Variants in PHACTR4 observed in about 807,000 individuals in gnomAD.
PHACTR4 encodes phosphatase and actin regulator 4.
In PHACTR4, 51 loss-of-function variants were observed where a neutral mutation model predicts 72.7. That is an observed-to-expected ratio of 0.70 (90% CI 0.56 to 0.89). The LOEUF is 0.89. Ranked by LOEUF, PHACTR4 falls within the 40% of genes least tolerant of loss-of-function variation. The pLI is 0.00. For missense variants in PHACTR4, 731 were observed against 861.8 expected (o/e 0.85, Z 1.90); for synonymous variants, 255 against 302.5 (o/e 0.84, Z 1.63).
intron 6 of PHACTR4, among the ~76,000 whole-genome samples, chr1:28,468,510 T>G (rs1659361505): frequency 6.6e-6 from 1 of 152,124 alleles, no homozygotes; most frequent in Non-Finnish European, 1.5e-5. Context: ...GAGAATTGCT[T>G]GCACGTGGGA....
intron 2 of PHACTR4, among the ~76,000 whole-genome samples, chr1:28,412,097 C>T (rs1272320800): frequency 1.3e-5 from 2 of 151,926 alleles, no homozygotes; most frequent in South Asian, 2.1e-4. Context: ...CTATTGGTCT[C>T]GTTGAAAAAA....
At chr1:28,424,042 C>T (rs889635702) in intron 2 of PHACTR4, among the ~76,000 whole-genome samples, 11 of 151,796 alleles carry the variant, frequency 7.2e-5, no homozygotes, top group African/African-American at 2.7e-4. Flanking sequence ...GATCAGAAAC[C>T]AGGAAACATA....
chr1:28,381,429 G>C (rs374790608), intron 1 of PHACTR4, among the ~76,000 whole-genome samples: 16 of 151,754 alleles, frequency 1.1e-4, no homozygotes, highest in Non-Finnish European at 2.2e-4. Flanking sequence ...CTCCCGAGTA[G>C]CTGGGACTAC....
chr1:28,442,295 C>G (rs1657095114), intron 2 of PHACTR4, among the ~76,000 whole-genome samples: 1 of 151,724 alleles, frequency 6.6e-6, no homozygotes, highest in African/African-American at 2.4e-5. Context: ...GAAACCCTGT[C>G]TCTACTAAAA....
chr1:28,402,258 A>T (rs1178364748), intron 1 of PHACTR4, among the ~76,000 whole-genome samples: 2 of 152,094 alleles, frequency 1.3e-5, no homozygotes, highest in Non-Finnish European at 2.9e-5. Context: ...TGAATAGGGA[A>T]TACCTGGGGG....
intron 2 of PHACTR4, among the ~76,000 whole-genome samples, chr1:28,457,133 C>T (rs74064847): frequency 0.1 from 15,803 of 152,030 alleles, 1,897 homozygotes; most frequent in African/African-American, 0.3. Flanking sequence ...TCAGTAGTCA[C>T]CATTGCATTT....
chr1:28,468,484 C>T (rs1659358189), intron 6 of PHACTR4, among the ~76,000 whole-genome samples: 1 of 152,060 alleles, frequency 6.6e-6, no homozygotes, highest in Non-Finnish European at 1.5e-5. Context: ...CCCAGCTACT[C>T]GGGAGGCTGA....
chr1:28,432,369 C>G (rs561621194), intron 2 of PHACTR4, among the ~76,000 whole-genome samples: 1 of 132,304 alleles, frequency 7.6e-6, no homozygotes, highest in African/African-American at 3.0e-5. Flanking sequence ...ATCTCTCTCT[C>G]TCTTTTTTTT....
chr1:28,489,266 T>C, intron 10 of PHACTR4, 41 bp downstream of exon 10: 2 of 1,537,946 alleles, frequency 1.3e-6, no homozygotes, highest in Non-Finnish European at 1.8e-6. Context: ...AGATTTTCTT[T>C]GTATGTTTCT....
At chr1:28,443,386 A>G (rs1657192811) in intron 2 of PHACTR4, among the ~76,000 whole-genome samples, 2 of 151,700 alleles carry the variant, frequency 1.3e-5, no homozygotes, top group East Asian at 1.9e-4. Context: ...GGTTCAAGCA[A>G]TTCTCCTGCC....
chr1:28,422,763 G>A (rs543675552), intron 2 of PHACTR4: 7 of 152,190 alleles, frequency 4.6e-5, no homozygotes, highest in African/African-American at 1.7e-4. Context: ...AGAGAATTTG[G>A]TGACCCTGGG....
chr1:28,482,627 C>T (rs1475044574), intron 9 of PHACTR4, among the ~76,000 whole-genome samples: 6 of 152,196 alleles, frequency 3.9e-5, no homozygotes, highest in Non-Finnish European at 8.8e-5. Context: ...ATTTCTTTTT[C>T]TGTACTATTG....
intron 12 of PHACTR4, among the ~76,000 whole-genome samples, chr1:28,492,257 T>C (rs1239363068): frequency 6.6e-6 from 1 of 151,518 alleles, no homozygotes; most frequent in African/African-American, 2.4e-5. Context: ...GCCAACATGG[T>C]GAAACCCCAT....
intron 9 of PHACTR4, among the ~76,000 whole-genome samples, chr1:28,484,104 C>T (rs911239620): frequency 2.0e-5 from 3 of 152,162 alleles, no homozygotes; most frequent in South Asian, 4.1e-4. Flanking sequence ...AGGTGGATCA[C>T]ATGAGATCAG....
chr1:28,393,285 C>T (rs1653201080), intron 1 of PHACTR4, among the ~76,000 whole-genome samples: 1 of 152,192 alleles, frequency 6.6e-6, no homozygotes, highest in South Asian at 2.1e-4. Flanking sequence ...TCTGGGACAA[C>T]ATCTTTATAT....
chr1:28,373,453 G>T (rs1651403998), intron 1 of PHACTR4, among the ~76,000 whole-genome samples: 1 of 152,072 alleles, frequency 6.6e-6, no homozygotes, highest in South Asian at 2.1e-4. Flanking sequence ...AACATGCCTG[G>T]CTAATTTTGT....
intron 2 of PHACTR4, chr1:28,457,385 C>G: frequency 4.9e-6 from 2 of 410,592 alleles, no homozygotes; most frequent in South Asian, 1.8e-5. Context: ...CTCTTGAGAC[C>G]AGGCATTTGA....
chr1:28,380,223 A>AT (rs1159921648), intron 1 of PHACTR4, among the ~76,000 whole-genome samples: 1 of 149,730 alleles, frequency 6.7e-6, no homozygotes, highest in Non-Finnish European at 1.5e-5. Flanking sequence ...CGCCCGGCTA[A>AT]TTTTTTGTAT....
chr1:28,489,100 C>A, intron 9 of PHACTR4, 70 bp from the exon 10 acceptor site: 1 of 1,340,378 alleles, frequency 7.5e-7, no homozygotes, highest in Non-Finnish European at 1.1e-6. Context: ...TATACTGTGA[C>A]CAAAAAAATC....
Sources: allele counts gnomAD v4.1 joint callset (sites outside exome capture counted in the v4.1 genomes callset), GRCh38; gene constraint gnomAD v4.1.1; transcripts MANE v1.5; gene names NCBI Gene and HGNC (gene_info 2026-07-23, HGNC 2026-07-21).